The following ASTN2 variants were observed in gnomAD, a reference collection of about 807,000 sequenced individuals.
ASTN2 encodes astrotactin-2.
A neutral mutation model predicts 139.8 loss-of-function variants in ASTN2; 54 were observed. The ratio of observed to expected loss-of-function variants is 0.39; its 90% CI spans 0.31 to 0.48. The LOEUF (loss-of-function observed/expected upper bound fraction) is 0.48, where lower values mean the gene tolerates loss of function less well. Among genes scored for constraint, ASTN2 ranks in the 20% least tolerant of loss-of-function variants. The pLI is 0.95. For missense variants in ASTN2, 1,565 were observed against 1,725.1 expected (o/e 0.91, Z 1.64); for synonymous variants, 756 against 719.5 (o/e 1.05, Z -0.81).
At chr9:116,753,270 T>C (rs1275051271) in intron 13 of ASTN2, among the ~76,000 whole-genome samples, 1 of 152,228 alleles carries the variant, frequency 6.6e-6, no homozygotes, top group African/African-American at 2.4e-5. Flanking sequence ...TCATACTGCA[T>C]GGTTCCAACT....
intron 20 of ASTN2, among the ~76,000 whole-genome samples, chr9:116,453,068 G>C (rs117397047): frequency 3.9e-5 from 6 of 152,134 alleles, no homozygotes; most frequent in Non-Finnish European, 5.9e-5. Flanking sequence ...AGGCAGAATG[G>C]TTCTTATCTA....
chr9:116,578,669 TC>T (rs1489391468), intron 19 of ASTN2, among the ~76,000 whole-genome samples: 1 of 144,222 alleles, frequency 6.9e-6, no homozygotes, highest in African/African-American at 2.6e-5. Context: ...TGTGTGTGTT[TC>T]TACTGTACAG....
At chr9:116,652,370 G>A (rs922559932) in intron 16 of ASTN2, among the ~76,000 whole-genome samples, 8 of 152,148 alleles carry the variant, frequency 5.3e-5, no homozygotes, top group African/African-American at 1.9e-4. Context: ...ATTAAATAAA[G>A]TTGGTAGGTT....
At chr9:117,229,041 T>G (rs922968325) in intron 2 of ASTN2, among the ~76,000 whole-genome samples, 1 of 151,616 alleles carries the variant, frequency 6.6e-6, no homozygotes, top group African/African-American at 2.4e-5. Flanking sequence ...AAAAAAACCA[T>G]GAAGTTCAAT....
chr9:116,854,977 C>A (rs1009968399), intron 11 of ASTN2, among the ~76,000 whole-genome samples: 2 of 151,810 alleles, frequency 1.3e-5, no homozygotes, highest in African/African-American at 4.8e-5. Context: ...CCCCCCCCAC[C>A]ATTATTTCAG....
intron 20 of ASTN2, among the ~76,000 whole-genome samples, chr9:116,474,868 G>GC (rs1429393833): frequency 7.9e-5 from 12 of 152,202 alleles, no homozygotes; most frequent in Non-Finnish European, 1.3e-4. Flanking sequence ...CACTCCAGAA[G>GC]CCTCTCCCTA....
intron 7 of ASTN2, among the ~76,000 whole-genome samples, chr9:116,984,948 G>C (rs1472984393): frequency 6.6e-6 from 1 of 152,172 alleles, no homozygotes; most frequent in Non-Finnish European, 1.5e-5. Flanking sequence ...AAGTTTGGGG[G>C]CTTGGGGGAA....
intron 10 of ASTN2, among the ~76,000 whole-genome samples, chr9:116,867,549 C>CAAAAAA (rs58222492): frequency 1.3e-5 from 1 of 78,314 alleles, no homozygotes; most frequent in African/African-American, 5.4e-5. Flanking sequence ...GACTCTGTCT[C>CAAAAAA]AAAAAAAAAA....
chr9:117,197,403 T>C (rs966875302), intron 3 of ASTN2: 2 of 152,250 alleles, frequency 1.3e-5, no homozygotes, highest in Non-Finnish European at 2.9e-5. Context: ...ATATTTGGTA[T>C]GTTCTTAGCA....
At chr9:117,040,163 C>T (rs972322680) in intron 5 of ASTN2, among the ~76,000 whole-genome samples, 198 bp from the exon 6 acceptor site, 4 of 152,198 alleles carry the variant, frequency 2.6e-5, no homozygotes, top group Non-Finnish European at 1.5e-5. Context: ...TAACACTCCG[C>T]AAAATGGGCT....
rs373008944 is a variant in ASTN2, at chr9:116,794,987, G to T, written c.2396+10645C>A. 1.9e-3 allele frequency among the ~76,000 whole-genome samples: 283 copies of T among 152,146 alleles called. 1 individual carries two copies. Among genetic ancestry groups the T allele is most frequent in the African/African-American group, 6.1e-3 (254 of 41,522 alleles). ...TTGTTTTTGTTTTTTTGTTTGCTTG[G>T]TTTTTTCAGATGGAGTTTCACTCTT... On this transcript the variant is annotated intron_variant, in intron 13 of 22. Transcript: ENST00000313400.
At chr9:116,671,443 A>C (rs1380602894) in intron 16 of ASTN2, among the ~76,000 whole-genome samples, 1 of 152,090 alleles carries the variant, frequency 6.6e-6, no homozygotes, top group Non-Finnish European at 1.5e-5. Context: ...AAAAAGTAGA[A>C]CTAAGTAGGC....
At chr9:116,473,439 T>G (rs1156414509) in intron 20 of ASTN2, among the ~76,000 whole-genome samples, 1 of 152,230 alleles carries the variant, frequency 6.6e-6, no homozygotes. Flanking sequence ...GCATCTCTTG[T>G]TACGTCAGAT....
At chr9:117,053,803 G>T (rs1838980473) in intron 5 of ASTN2, among the ~76,000 whole-genome samples, 1 of 152,180 alleles carries the variant, frequency 6.6e-6, no homozygotes, top group Non-Finnish European at 1.5e-5. Flanking sequence ...GGATGTAGAG[G>T]TTCAGCTGCA....
intron 2 of ASTN2, among the ~76,000 whole-genome samples, chr9:117,249,686 A>G (rs965990103): frequency 1.5e-5 from 2 of 131,460 alleles, no homozygotes; most frequent in Non-Finnish European, 3.4e-5. Flanking sequence ...AAAACCACTG[A>G]CATTGTCTTT....
At chr9:116,924,685 A>G (rs1564343163) in intron 10 of ASTN2, among the ~76,000 whole-genome samples, 2 of 152,144 alleles carry the variant, frequency 1.3e-5, no homozygotes. Context: ...AGTGCCTCTT[A>G]GGATGCTAAT....
chr9:116,976,129 G>A lies in ASTN2; in HGVS notation c.1736C>T (p.Pro579Leu), dbSNP rs750417613. Residue 579 changes from proline (P) to leucine (L), a missense_variant, in exon 9 of 23, where the codon CCT becomes CTT. This residue lies in a region of ASTN2 where 503 missense variants were observed against 591.7 expected (regional missense o/e 0.85). Coordinates refer to ENST00000313400, the MANE Select transcript of ASTN2 (RefSeq NM_001365068.1). ...GCCAACTCACCTGAGAATCTTTTCA[G>A]GGGCTTGCTCCCCTGTCACCAGATC... ...GYDLVTGEQA[P>L]EKILRSTFSL... 1 of 1,614,148 alleles carries A rather than the reference G, an allele frequency of 6.2e-7. No homozygotes were observed. Among genetic ancestry groups the A allele is most frequent in the Non-Finnish European group, 8.5e-7 (1 of 1,180,016 alleles).
intron 10 of ASTN2, among the ~76,000 whole-genome samples, chr9:116,934,949 G>C (rs141054762): frequency 0.024 from 3,665 of 152,198 alleles, 61 homozygotes; most frequent in Middle Eastern, 0.058. Flanking sequence ...CATCCCAGCT[G>C]TTTTCCCGTT....
chr9:116,800,153 G>A (rs148732910), intron 13 of ASTN2, among the ~76,000 whole-genome samples: 168 of 151,994 alleles, frequency 1.1e-3, no homozygotes, highest in African/African-American at 3.7e-3. Flanking sequence ...CAGTCCTTCC[G>A]TCTTGCACAC....
Sources: allele counts gnomAD v4.1 joint callset (sites outside exome capture counted in the v4.1 genomes callset), GRCh38; gene constraint gnomAD v4.1.1; regional missense constraint gnomAD v4.1.1; transcripts MANE v1.5; gene names NCBI Gene and HGNC (gene_info 2026-07-23, HGNC 2026-07-21).